Variants in UNC13B observed in about 807,000 individuals in gnomAD.
UNC13B encodes the protein protein unc-13 homolog B.
UNC13B carries 144 observed loss-of-function variants against 211.0 expected under a neutral mutation model. The ratio of observed to expected loss-of-function variants is 0.68; its 90% CI spans 0.60 to 0.78. The LOEUF (loss-of-function observed/expected upper bound fraction) is 0.78. Among genes scored for constraint, UNC13B ranks in the 30% least tolerant of loss-of-function variants. The probability of loss-of-function intolerance (pLI) is 0.00; values close to 1 mark genes in which losing one functional copy is unlikely to be tolerated. For synonymous variants in UNC13B, 709 were observed against 725.8 expected (o/e 0.98, Z 0.37); for missense variants, 1,777 against 2,002.0 (o/e 0.89, Z 2.14).
intron 7 of UNC13B, among the ~76,000 whole-genome samples, chr9:35,269,344 A>C (rs369491374): frequency 3.1e-4 from 47 of 152,364 alleles, no homozygotes; most frequent in African/African-American, 1.0e-3. Flanking sequence ...CATTGGAGGA[A>C]GTCCAGAAGG....
chr9:35,181,762 A>G (rs1446828097), intron 1 of UNC13B, among the ~76,000 whole-genome samples: 2 of 152,144 alleles, frequency 1.3e-5, no homozygotes, highest in African/African-American at 2.4e-5. Context: ...GCTTGAACCC[A>G]GGAGGTGGAG....
At chr9:35,184,757 A>AAGG (rs1822247858) in intron 1 of UNC13B, among the ~76,000 whole-genome samples, 10 of 107,132 alleles carry the variant, frequency 9.3e-5, no homozygotes, top group Non-Finnish European at 1.1e-4. Flanking sequence ...AGAAAGAAAG[A>AAGG]AAGGAAGGAA....
rs1462137790 is a variant in UNC13B at position 35,301,344 on chromosome 9, A to G, written c.1940A>G (p.Gln647Arg). 1 of 398,646 alleles carries G rather than the reference A, an allele frequency of 2.5e-6. No individual in the cohort carries two copies. The highest frequency in any genetic ancestry group is 4.4e-6 in the Non-Finnish European group (1 of 225,974). The allele number at this position is 398,646 out of a possible 1,614,324, so 24.7% of individuals were successfully genotyped here. A position where few individuals can be genotyped will look rare whatever the true frequency, so the allele number is the denominator to read the frequency against. The change falls in exon 9 of 40, where the codon CAG becomes CGG. Residue 647 changes from glutamine to arginine, a missense_variant. Transcript: ENST00000635942. ...SIAKDLAPQS[Q>R]SSVIKSVFSR... Reference sequence around the variant, plus strand: ...GCAAAGGACTTGGCTCCACAGAGTCAGAGTTCAGTTATAAAGTCGGTTTTC... The same window carrying G: ...GCAAAGGACTTGGCTCCACAGAGTCGGAGTTCAGTTATAAAGTCGGTTTTC...
chr9:35,182,952 C>A (rs952867109), intron 1 of UNC13B, among the ~76,000 whole-genome samples: 1 of 152,294 alleles, frequency 6.6e-6, no homozygotes, highest in Admixed American at 6.5e-5. Flanking sequence ...AAACCGCCAT[C>A]GTCATCATGG....
At chr9:35,353,577 C>G in intron 11 of UNC13B, 3 of 1,232,118 alleles carry the variant, frequency 2.4e-6, no homozygotes, top group Non-Finnish European at 3.0e-6. Context: ...TCTAATAACT[C>G]CTTGCCAAGT....
At chr9:35,237,938 T>C in intron 5 of UNC13B, 112 bp downstream of exon 5, 7 of 1,181,574 alleles carry the variant, frequency 5.9e-6, no homozygotes, top group Non-Finnish European at 5.8e-6. Flanking sequence ...TTTGAGGATA[T>C]TTTGTCTTCA....
chr9:35,267,539 T>C (rs1217518250), intron 7 of UNC13B, among the ~76,000 whole-genome samples: 1 of 152,252 alleles, frequency 6.6e-6, no homozygotes, highest in Non-Finnish European at 1.5e-5. Context: ...GCAGTCTTCA[T>C]GGGACAGGGG....
chr9:35,312,946 A>C (rs1174717661), intron 10 of UNC13B, among the ~76,000 whole-genome samples: 1 of 152,154 alleles, frequency 6.6e-6, no homozygotes, highest in East Asian at 1.9e-4. Flanking sequence ...GGCACTTTTC[A>C]TGTAAAAAGG....
intron 7 of UNC13B, 139 bp from the exon 8 acceptor site, chr9:35,295,557 G>A (rs778483747): frequency 1.0e-5 from 7 of 691,650 alleles, no homozygotes; most frequent in Non-Finnish European, 1.7e-5. Flanking sequence ...TGGCTCTGAG[G>A]TCGTCACTGG....
intron 13 of UNC13B, among the ~76,000 whole-genome samples, chr9:35,371,335 C>G (rs1028815581): frequency 2.0e-5 from 3 of 148,780 alleles, no homozygotes; most frequent in African/African-American, 7.3e-5. Context: ...TCCTTTCTCT[C>G]TCTTTCTTTC....
intron 11 of UNC13B, among the ~76,000 whole-genome samples, chr9:35,317,783 TG>T (rs1830540907): frequency 2.0e-5 from 3 of 151,550 alleles, no homozygotes; most frequent in African/African-American, 7.3e-5. Flanking sequence ...GTGATCCACC[TG>T]GCTCAGCCTC....
intron 6 of UNC13B, among the ~76,000 whole-genome samples, chr9:35,249,241 A>G (rs78806642): frequency 4.6e-5 from 7 of 151,914 alleles, no homozygotes; most frequent in Non-Finnish European, 8.8e-5. Flanking sequence ...TTTTGAGTCT[A>G]TGTGTGTCTC....
chr9:35,213,209 G>A (rs1305425132), intron 1 of UNC13B, among the ~76,000 whole-genome samples: 1 of 152,200 alleles, frequency 6.6e-6, no homozygotes, highest in Non-Finnish European at 1.5e-5. Flanking sequence ...GGTATTTGTA[G>A]ATGAGGCCTT....
At chr9:35,229,093 A>T (rs913633287) in intron 2 of UNC13B, among the ~76,000 whole-genome samples, 3 of 152,208 alleles carry the variant, frequency 2.0e-5, no homozygotes, top group Admixed American at 1.3e-4. Context: ...AACATTTGAT[A>T]TGAAACTTTA....
At chr9:35,309,111 T>A (rs767676874) in intron 9 of UNC13B, among the ~76,000 whole-genome samples, 35 of 152,176 alleles carry the variant, frequency 2.3e-4, no homozygotes, top group Non-Finnish European at 4.6e-4. Flanking sequence ...GTACAGGATC[T>A]ATCTGCAGAG....
At chr9:35,276,035 A>G (rs1828155435) in intron 7 of UNC13B, among the ~76,000 whole-genome samples, 1 of 152,038 alleles carries the variant, frequency 6.6e-6, no homozygotes, top group African/African-American at 2.4e-5. Flanking sequence ...GCTAGGTGCA[A>G]TGGCTTGTGC....
At chr9:35,199,334 T>G (rs1014237230) in intron 1 of UNC13B, among the ~76,000 whole-genome samples, 2 of 152,190 alleles carry the variant, frequency 1.3e-5, no homozygotes, top group Non-Finnish European at 2.9e-5. Flanking sequence ...GCAGCATGAT[T>G]TATAATCCTT....
At chr9:35,235,331 G>A (rs1217005287) in intron 3 of UNC13B, among the ~76,000 whole-genome samples, 3 of 152,270 alleles carry the variant, frequency 2.0e-5, no homozygotes, top group East Asian at 1.9e-4. Flanking sequence ...ACTGAGTGGT[G>A]TGAACTAGCA....
rs1430667249 is a variant in UNC13B at position 35,305,348 on chromosome 9, TG to T, written c.5948del (p.Gly1983ValfsTer25). 25 of 398,960 alleles carry T rather than the reference TG, an allele frequency of 6.3e-5. No individual in the cohort carries two copies. In the South Asian group the frequency reaches 1.4e-3, roughly 22 times the overall value. The allele number at this position is 398,960 out of a possible 1,614,324, so 24.7% of individuals were successfully genotyped here. A position where few individuals can be genotyped will look rare whatever the true frequency, so the allele number is the denominator to read the frequency against. ...KKESSGVSNF[W>X]GTLGDFFKAN... is the part of the protein sequence containing the mutation. ...AGAATCTTCTGGTGTTTCAAATTTT[TG>T]GGGTACCCTTGGGGATTTCTTTAAA... On this transcript the variant is annotated frameshift_variant, in exon 9 of 40. Coordinates refer to ENST00000635942, the MANE Select transcript of UNC13B (RefSeq NM_001371189.2). LOFTEE classifies it high-confidence loss of function.
Sources: gnomAD v4.1 joint callset for allele counts (sites outside exome capture counted in the v4.1 genomes callset) on GRCh38, gnomAD v4.1.1 for gene constraint, MANE v1.5 for transcripts, NCBI Gene and HGNC (gene_info 2026-07-23, HGNC 2026-07-21) for gene names.